ARHGAP35: variants seen among roughly 807,000 people sequenced by gnomAD.
ARHGAP35 encodes Rho GTPase activating protein 35.
A neutral mutation model predicts 111.1 loss-of-function variants in ARHGAP35; 15 were observed. That is an observed-to-expected ratio of 0.13 (90% CI 0.09 to 0.21). The LOEUF is 0.21. ARHGAP35 is among the 10% of genes least tolerant of loss of function. The pLI, the probability that ARHGAP35 is intolerant of heterozygous loss-of-function variation, is 1.00. For synonymous variants in ARHGAP35, 643 were observed against 710.3 expected (o/e 0.91, Z 1.51); for missense variants, 1,262 against 1,873.0 (o/e 0.67, Z 6.02).
intron 3 of ARHGAP35, among the ~76,000 whole-genome samples, chr19:46,953,585 T>C (rs2056423806): frequency 6.6e-6 from 1 of 152,216 alleles, no homozygotes; most frequent in African/African-American, 2.4e-5. Flanking sequence ...CCTTGAGGAC[T>C]TGTGTGTTCT....
rs1247981351 is a variant in ARHGAP35 at position 46,988,331 on chromosome 19, T to A, written c.3904+265T>A. The A allele has an allele frequency of 4.4e-6, 2 of 450,418 alleles. No homozygotes were observed. Among genetic ancestry groups the A allele is most frequent in the African/African-American group, 4.0e-5 (2 of 50,044 alleles). The allele number at this position is 450,418 out of a possible 1,614,324, so 27.9% of individuals were successfully genotyped here. On this transcript the variant is annotated intron_variant, in intron 4 of 6. Coordinates refer to ENST00000672722, the MANE Select transcript of ARHGAP35 (RefSeq NM_004491.5). The surrounding 1 kb of genome is among the most constrained non-coding windows in gnomAD (Gnocchi z 5.4). ...TGCCACTCACAGATGCTCTTCCAGG[T>A]TGCCCGGGCACATGCCTCCCTCACC...
intron 1 of ARHGAP35, among the ~76,000 whole-genome samples, chr19:46,904,248 G>A (rs931605401): frequency 6.6e-6 from 1 of 152,194 alleles, no homozygotes; most frequent in Non-Finnish European, 1.5e-5. Context: ...ACGTGAGGGA[G>A]CTGGCTGCCA....
At chr19:46,872,930 G>C (rs750393008) in intron 1 of ARHGAP35, among the ~76,000 whole-genome samples, 5 of 151,530 alleles carry the variant, frequency 3.3e-5, no homozygotes, top group Non-Finnish European at 7.4e-5. Context: ...TAATAACAAT[G>C]AACTGTTTAT....
intron 1 of ARHGAP35, among the ~76,000 whole-genome samples, chr19:46,895,400 C>T (rs1393738649): frequency 3.3e-5 from 5 of 152,004 alleles, no homozygotes; most frequent in Non-Finnish European, 7.4e-5. Flanking sequence ...CTCCTGACCT[C>T]GTGATCCACC....
intron 1 of ARHGAP35, among the ~76,000 whole-genome samples, chr19:46,880,744 A>G (rs898635945): frequency 5.3e-5 from 8 of 151,870 alleles, no homozygotes; most frequent in Non-Finnish European, 1.0e-4. Flanking sequence ...TAGTGTGATC[A>G]TAGCTACTGC....
rs2056761047 is a variant in ARHGAP35, at chr19:47,003,815, C to T, written c.*3127C>T. On this transcript the variant is annotated 3_prime_UTR_variant, in exon 7 of 7. Transcript: ENST00000672722. Reference sequence around the variant, plus strand: ...TGGCCAGAAGGGGATGGGGGCATCCCTGTGCCTCACTCAGCTCCTGCTGCT... The same window carrying T: ...TGGCCAGAAGGGGATGGGGGCATCCTTGTGCCTCACTCAGCTCCTGCTGCT... 1.3e-5 allele frequency: 2 copies of T among 152,264 alleles called. No homozygotes were observed. The highest frequency in any genetic ancestry group is 4.1e-4 in the South Asian group (2 of 4,834). 9.4% of individuals were successfully genotyped at this position (152,264 alleles called of 1,614,324 possible). A position where few individuals can be genotyped will look rare whatever the true frequency, so the allele number is the denominator to read the frequency against.
chr19:46,913,256 G>C (rs1048203290), intron 1 of ARHGAP35, among the ~76,000 whole-genome samples: 3 of 150,334 alleles, frequency 2.0e-5, no homozygotes, highest in African/African-American at 7.4e-5. Context: ...TGAGGTTGCT[G>C]TGTTGGAAGA....
rs1599873396 is a variant in ARHGAP35, at chr19:46,995,684, C to T, written c.4037-3620C>T. On this transcript the variant is annotated intron_variant, in intron 5 of 6. Transcript: ENST00000672722. ...TCGGGTCTGCGGTCAGGGCCATGCA[C>T]AGAGCACTGTGAAGCTGTCCTGCCA... Among the ~76,000 whole-genome samples, 6 of 152,378 alleles carry T rather than the reference C, an allele frequency of 3.9e-5. No individual in the cohort carries two copies. The South Asian group carries it at 1.2e-3, about 32-fold the overall frequency.
At chr19:46,979,443 A>C (rs907106538) in intron 3 of ARHGAP35, among the ~76,000 whole-genome samples, 5 of 152,162 alleles carry the variant, frequency 3.3e-5, no homozygotes, top group Admixed American at 2.6e-4. Context: ...GCTGGCCTCA[A>C]GTTCTTTGCC....
chr19:47,003,918 GCA>G lies in ARHGAP35; in HGVS notation c.*3261_*3262del, dbSNP rs35048370. The G allele has an allele frequency of 6.5e-3, 680 of 104,138 alleles. 2 individuals carry two copies. The highest frequency in any genetic ancestry group is 0.02 in the Middle Eastern group (4 of 200). The allele number at this position is 104,138 out of a possible 1,614,324, so 6.5% of individuals were successfully genotyped here. On this transcript the variant is annotated 3_prime_UTR_variant, in exon 7 of 7. Transcript: ENST00000672722. ...GCAGGCCACCAGGCATTCTGGACAC[GCA>G]CACACACACACACACACACACACAC...
chr19:46,918,974 T>C lies in ARHGAP35; in HGVS notation c.299T>C (p.Ile100Thr), dbSNP rs1212452887. The C allele has an allele frequency of 3.1e-6, 5 of 1,614,000 alleles. No homozygotes were observed. Among genetic ancestry groups the C allele is most frequent in the Non-Finnish European group, 4.2e-6 (5 of 1,179,888 alleles). ...KMHIVEQTEF[I>T]DDQTFQPHRS... The stretch of plus-strand genomic sequence containing the variant: ...CACATTGTGGAGCAGACTGAATTTA[T>C]TGATGATCAGACTTTTCAACCTCAT... The change falls in exon 2 of 7, where the codon ATT becomes ACT. Residue 100 changes from isoleucine (I) to threonine (T), a missense_variant. Ile to Thr is a moderately conservative substitution (Grantham distance 89). Coordinates refer to ENST00000672722, the MANE Select transcript of ARHGAP35 (RefSeq NM_004491.5). This position sits in a 1 kb window ranked among gnomAD's most constrained non-coding sequence, Gnocchi z 5.4.
chr19:46,948,196 C>A (rs1283923936), intron 3 of ARHGAP35: 1 of 152,166 alleles, frequency 6.6e-6, no homozygotes, highest in Non-Finnish European at 1.5e-5. Context: ...TTGTGTTTCC[C>A]GATACCTGCC....
At chr19:46,869,150 A>C (rs1181814135) in intron 1 of ARHGAP35, among the ~76,000 whole-genome samples, 4 of 151,936 alleles carry the variant, frequency 2.6e-5, no homozygotes, top group Non-Finnish European at 5.9e-5. Context: ...CATGTGATCC[A>C]CCTGCCTTGG....
At chr19:46,929,499 G>A (rs59400263) in intron 2 of ARHGAP35, among the ~76,000 whole-genome samples, 332 of 151,942 alleles carry the variant, frequency 2.2e-3, no homozygotes, top group African/African-American at 7.5e-3. Flanking sequence ...GTGACCCTCT[G>A]GGGCTCTGTG....
chr19:46,875,490 G>A (rs1215833943), intron 1 of ARHGAP35, among the ~76,000 whole-genome samples: 1 of 151,964 alleles, frequency 6.6e-6, no homozygotes, highest in Non-Finnish European at 1.5e-5. Flanking sequence ...CAGATTCTTG[G>A]GATTCCTCAA....
chr19:46,940,556 A>T (rs1568473954), intron 3 of ARHGAP35, among the ~76,000 whole-genome samples: 2 of 148,374 alleles, frequency 1.3e-5, no homozygotes, highest in East Asian at 2.0e-4. Context: ...AAATAAAATC[A>T]CCAATCAGTT....
chr19:46,977,258 G>A (rs577423755), intron 3 of ARHGAP35, among the ~76,000 whole-genome samples: 47 of 152,340 alleles, frequency 3.1e-4, no homozygotes, highest in Non-Finnish European at 5.3e-4. Context: ...ATGACTGGCT[G>A]TGGCGAAATA....
At chr19:46,943,672 T>C (rs939848568) in intron 3 of ARHGAP35, among the ~76,000 whole-genome samples, 12 of 152,176 alleles carry the variant, frequency 7.9e-5, no homozygotes, top group Admixed American at 7.9e-4. Flanking sequence ...GTCAAAGCAG[T>C]CCAAAGTCAG....
intron 1 of ARHGAP35, among the ~76,000 whole-genome samples, chr19:46,870,346 G>A (rs924466624): frequency 1.1e-4 from 16 of 151,800 alleles, no homozygotes; most frequent in African/African-American, 3.4e-4. Flanking sequence ...TTGGGAGGCC[G>A]AGGCGGGTGG....
Sources: gnomAD v4.1 joint callset for allele counts (sites outside exome capture counted in the v4.1 genomes callset) on GRCh38, gnomAD v4.1.1 for gene constraint, Gnocchi (gnomAD v3.1) non-coding constraint, MANE v1.5 for transcripts, NCBI Gene and HGNC (gene_info 2026-07-23, HGNC 2026-07-21) for gene names.